IL1RAPL2: variants seen among roughly 807,000 people sequenced by gnomAD.
IL1RAPL2 encodes interleukin 1 receptor accessory protein like 2, also known as X-linked interleukin-1 receptor accessory protein-like 2.
IL1RAPL2 carries 3 observed loss-of-function variants against 44.1 expected under a neutral mutation model. That is an observed-to-expected ratio of 0.07 (90% CI 0.03 to 0.18). The LOEUF is 0.18. Ranked by LOEUF, IL1RAPL2 falls within the 10% of genes least tolerant of loss-of-function variation. The pLI is 1.00. For missense variants in IL1RAPL2, 391 were observed against 496.4 expected (o/e 0.79, Z 2.02); for synonymous variants, 181 against 178.8 (o/e 1.01, Z -0.10).
intron 5 of IL1RAPL2, among the ~76,000 whole-genome samples, chrX:105,376,651 A>T (rs997476074): frequency 7.1e-5 from 8 of 112,134 alleles, no homozygotes; most frequent in Non-Finnish European, 1.3e-4. Flanking sequence ...TGGATATTTT[A>T]AATAAATATG....
At chrX:105,257,722 A>G (rs1163471636) in intron 4 of IL1RAPL2, among the ~76,000 whole-genome samples, 1 of 112,182 alleles carries the variant, frequency 8.9e-6, no homozygotes, top group East Asian at 2.8e-4. Flanking sequence ...TTGGTTTGAA[A>G]TCTGCTTTGT....
At chrX:104,760,729 C>T (rs960841625) in intron 2 of IL1RAPL2, among the ~76,000 whole-genome samples, 8 of 111,045 alleles carry the variant, frequency 7.2e-5, no homozygotes, top group Admixed American at 3.8e-4. Context: ...TCTCATGATG[C>T]GGGTCGTATC....
At chrX:104,827,677 G>A (rs770363993) in intron 2 of IL1RAPL2, among the ~76,000 whole-genome samples, 4 of 111,661 alleles carry the variant, frequency 3.6e-5, no homozygotes, top group Non-Finnish European at 7.5e-5. Flanking sequence ...GGCCTGTCTT[G>A]TTAGGTTGGG....
chrX:105,767,434 A>G lies in IL1RAPL2; in HGVS notation c.1834A>G (p.Met612Val), dbSNP rs756318388. ...DLPEFHPSDS[M>V]QIRHCCRGYK... ...CCCTGAATTCCACCCTTCAGATTCA[A>G]TGCAAATCAGGCACTGTTGCAGAGG... The change falls in exon 11 of 11, where the codon ATG (methionine) becomes GTG (valine). Residue 612 changes from methionine to valine, a missense_variant. Physicochemically the swap from Met to Val is conservative, Grantham distance 21. Transcript: ENST00000372582. 3.3e-6 allele frequency: 4 copies of G among 1,211,371 alleles called. No homozygotes were observed. Among genetic ancestry groups the G allele is most frequent in the South Asian group, 1.8e-5 (1 of 56,976 alleles).
At chrX:105,502,461 C>T (rs773312646) in intron 6 of IL1RAPL2, among the ~76,000 whole-genome samples, 1 of 111,587 alleles carries the variant, frequency 9.0e-6, no homozygotes, top group African/African-American at 3.3e-5. Context: ...ATATTGACTT[C>T]CTGTATTCTA....
chrX:105,408,384 A>G (rs1364423474), intron 5 of IL1RAPL2, among the ~76,000 whole-genome samples: 5 of 110,945 alleles, frequency 4.5e-5, no homozygotes, highest in East Asian at 2.8e-4. Flanking sequence ...GCTGTGTCCA[A>G]ATGGGTTCTG....
chrX:105,120,163 G>C (rs918784478), intron 2 of IL1RAPL2, among the ~76,000 whole-genome samples: 9 of 107,385 alleles, frequency 8.4e-5, no homozygotes, highest in Non-Finnish European at 1.7e-4. Flanking sequence ...CTGCAAGATA[G>C]CTTCTTTGTG....
At chrX:104,632,637 T>C (rs1334144610) in intron 1 of IL1RAPL2, among the ~76,000 whole-genome samples, 1 of 107,447 alleles carries the variant, frequency 9.3e-6, no homozygotes, top group Admixed American at 1.0e-4. Flanking sequence ...GATTTGGCTC[T>C]CTGTTTGTCT....
chrX:105,185,698 T>G lies in IL1RAPL2; in HGVS notation c.83-9777T>G, dbSNP rs1556133483. On this transcript the variant is annotated intron_variant, in intron 2 of 10. Transcript: ENST00000372582. ...GTCCAGGATGATGACCTCAAAAGCCTGACATATCTTCAGTCAAGCCACAAG... is the reference window on the plus strand; with the variant it reads ...GTCCAGGATGATGACCTCAAAAGCCGGACATATCTTCAGTCAAGCCACAAG... Among the ~76,000 whole-genome samples, 4 of 112,334 alleles carry G rather than the reference T, an allele frequency of 3.6e-5. No homozygotes were observed. In the Admixed American group the frequency reaches 3.8e-4, roughly 11 times the overall value.
chrX:105,310,678 T>C (rs1178694475), intron 5 of IL1RAPL2, among the ~76,000 whole-genome samples: 1 of 111,843 alleles, frequency 8.9e-6, no homozygotes, highest in African/African-American at 3.2e-5. Flanking sequence ...GTTGAAATAA[T>C]TTTCCAGTTA....
Position 105,086,260 on chromosome X carries a change from T to TAC in IL1RAPL2, c.83-109193_83-109192dup, listed in dbSNP as rs57243276. Reference sequence around the variant, plus strand: ...GGAAGAATGGATAAAGAAAATGTGATACACACACACACACACACACACAGT... The same window carrying TAC: ...GGAAGAATGGATAAAGAAAATGTGATACACACACACACACACACACACACAGT... On this transcript the variant is annotated intron_variant, in intron 2 of 10. Coordinates refer to ENST00000372582, the MANE Select transcript of IL1RAPL2 (RefSeq NM_017416.2). Among the ~76,000 whole-genome samples, 620 of 107,778 alleles carry TAC rather than the reference T, an allele frequency of 5.8e-3. 5 individuals are homozygous for TAC. Among genetic ancestry groups the TAC allele is most frequent in the African/African-American group, 0.011 (335 of 29,241 alleles). 93.6% of individuals were successfully genotyped at this position (107,778 alleles called of 115,157 possible).
chrX:104,869,783 A>G (rs1276348697), intron 2 of IL1RAPL2, among the ~76,000 whole-genome samples: 1 of 112,077 alleles, frequency 8.9e-6, no homozygotes, highest in Non-Finnish European at 1.9e-5. Flanking sequence ...AGTCACATGC[A>G]GATATTCAAA....
At chrX:105,014,762 C>T (rs2031137003) in intron 2 of IL1RAPL2, among the ~76,000 whole-genome samples, 1 of 112,201 alleles carries the variant, frequency 8.9e-6, no homozygotes, top group Non-Finnish European at 1.9e-5. Context: ...GTGAACAGTG[C>T]CACAATAAAC....
chrX:105,007,965 G>A (rs375337824), intron 2 of IL1RAPL2, among the ~76,000 whole-genome samples: 22 of 114,789 alleles, frequency 1.9e-4, no homozygotes, highest in African/African-American at 6.3e-4. Flanking sequence ...ATACATTGAC[G>A]TGGAATTGGT....
At chrX:105,024,925 A>ATT (rs756616918) in intron 2 of IL1RAPL2, among the ~76,000 whole-genome samples, 82 of 101,577 alleles carry the variant, frequency 8.1e-4, no homozygotes, top group African/African-American at 2.6e-3. Context: ...TTCTTGATTA[A>ATT]TTTTTTTTTT....
chrX:104,789,995 G>A lies in IL1RAPL2; in HGVS notation c.82+131000G>A, dbSNP rs1157080038. 7.1e-5 allele frequency among the ~76,000 whole-genome samples: 8 copies of A among 112,143 alleles called. No individual in the cohort carries two copies. In the Admixed American group the frequency reaches 7.6e-4, roughly 11 times the overall value. On this transcript the variant is annotated intron_variant, in intron 2 of 10. Coordinates refer to ENST00000372582, the MANE Select transcript of IL1RAPL2 (RefSeq NM_017416.2). Reference sequence around the variant, plus strand: ...GTGAGGTAACTCATGTCACCAGGAGGAGCTGTCCACAGACTGCTTGATTTG... The same window carrying A: ...GTGAGGTAACTCATGTCACCAGGAGAAGCTGTCCACAGACTGCTTGATTTG...
At chrX:105,494,305 G>A (rs990367907) in intron 6 of IL1RAPL2, among the ~76,000 whole-genome samples, 7 of 111,275 alleles carry the variant, frequency 6.3e-5, no homozygotes, top group Middle Eastern at 4.7e-3. Context: ...AAAAAATAAC[G>A]CTACAAATTT....
chrX:105,582,638 T>G (rs1473724651), intron 6 of IL1RAPL2, among the ~76,000 whole-genome samples: 2 of 110,689 alleles, frequency 1.8e-5, no homozygotes, highest in Non-Finnish European at 3.8e-5. Flanking sequence ...AGCTGTAGAT[T>G]TTTTATATAT....
intron 2 of IL1RAPL2, among the ~76,000 whole-genome samples, chrX:104,690,413 G>C (rs1374117474): frequency 1.8e-5 from 2 of 112,370 alleles, no homozygotes; most frequent in South Asian, 3.7e-4. Context: ...GGTGACATCA[G>C]AGATGGCATG....
Sources: allele counts gnomAD v4.1 joint callset (sites outside exome capture counted in the v4.1 genomes callset), GRCh38; gene constraint gnomAD v4.1.1; transcripts MANE v1.5; gene names NCBI Gene and HGNC (gene_info 2026-07-23, HGNC 2026-07-21).